CLDN11: variants seen among roughly 807,000 people sequenced by gnomAD.
CLDN11 encodes the protein claudin-11.
CLDN11 carries 1 observed loss-of-function variant against 18.0 expected under a neutral mutation model. That is an observed-to-expected ratio of 0.06 (90% CI 0.02 to 0.26). The LOEUF is 0.26. Ranked by LOEUF, CLDN11 falls within the 10% of genes least tolerant of loss-of-function variation. CLDN11 has a pLI of 1.00. For synonymous variants in CLDN11, 116 were observed against 121.5 expected, an observed-to-expected ratio of 0.96 and a Z score of 0.30; for missense variants, 172 against 276.6, an observed-to-expected ratio of 0.62 and a Z score of 2.68.
chr3:170,423,448 G>GAGTCCATCCCCCACT, intron 2 of CLDN11, 121 bp downstream of exon 2: 5 of 1,036,306 alleles, frequency 4.8e-6, no homozygotes, highest in African/African-American at 1.6e-5. Flanking sequence ...AAGCCAGTGG[G>GAGTCCATCCCCCACT]GGATGGACTC....
chr3:170,425,490 A>G (rs1167177535), intron 2 of CLDN11, among the ~76,000 whole-genome samples: 4 of 152,250 alleles, frequency 2.6e-5, no homozygotes, highest in Non-Finnish European at 4.4e-5. Context: ...AATCAGGGAT[A>G]TTGAAGGAAA....
rs943818745 is a variant in CLDN11 at position 170,420,943 on chromosome 3, T to C, written c.226+1651T>C. ...TTTGAGGATTAAATGAGATAAGAAA[T>C]GTAATCTCCTTTGAGATAGTAGATG... is the stretch of plus-strand genomic sequence containing the variant. On this transcript the variant is annotated intron_variant, in intron 1 of 2. Transcript: ENST00000064724. Among the ~76,000 whole-genome samples, 9 of 152,182 alleles carry C rather than the reference T, an allele frequency of 5.9e-5. No homozygotes were observed. In the South Asian group the frequency reaches 1.2e-3, roughly 21 times the overall value.
intron 2 of CLDN11, among the ~76,000 whole-genome samples, chr3:170,427,925 C>T (rs569461859): frequency 2.0e-3 from 296 of 151,744 alleles, no homozygotes; most frequent in Non-Finnish European, 3.6e-3. Flanking sequence ...GGAAGGCAGA[C>T]GCGGGCAGAT....
intron 2 of CLDN11, among the ~76,000 whole-genome samples, chr3:170,429,351 G>A (rs1738943547): frequency 6.6e-6 from 1 of 152,106 alleles, no homozygotes; most frequent in African/African-American, 2.4e-5. Flanking sequence ...GCACTCATTT[G>A]CCTTGTTTTG....
At chr3:170,428,296 A>T (rs548470720) in intron 2 of CLDN11, among the ~76,000 whole-genome samples, 4 of 152,150 alleles carry the variant, frequency 2.6e-5, no homozygotes, top group African/African-American at 9.6e-5. Flanking sequence ...ATTTAACTTC[A>T]TGTTTATTTA....
At chr3:170,425,263 G>A (rs1738824547) in intron 2 of CLDN11, among the ~76,000 whole-genome samples, 1 of 152,182 alleles carries the variant, frequency 6.6e-6, no homozygotes, top group Non-Finnish European at 1.5e-5. Flanking sequence ...AGCCCCGGAA[G>A]GTTCTCTTGG....
At chr3:170,421,360 C>G (rs769132375) in intron 1 of CLDN11, 1 of 947,108 alleles carries the variant, frequency 1.1e-6, no homozygotes, top group East Asian at 1.2e-4. Context: ...TCTCTACAAG[C>G]CGCAGAGGCG....
intron 2 of CLDN11, among the ~76,000 whole-genome samples, chr3:170,424,914 A>AGG (rs1738809948): frequency 2.3e-5 from 2 of 88,056 alleles, no homozygotes; most frequent in South Asian, 5.6e-4. Flanking sequence ...TGAAGCCACA[A>AGG]GGGTGTGTGT....
chr3:170,432,411 C>T (rs1191955429), intron 2 of CLDN11, 113 bp from the exon 3 acceptor site: 4 of 1,522,458 alleles, frequency 2.6e-6, no homozygotes, highest in Non-Finnish European at 3.5e-6. Context: ...GTGTATGGAG[C>T]TTTTTGGAGC....
At position 170,419,320 on chromosome 3, in the gene CLDN11, C is replaced by T. The variant is rs1252010892; in HGVS notation, c.226+28C>T. On this transcript the variant is annotated intron_variant, in intron 1 of 2. Transcript: ENST00000064724. The surrounding 1 kb of genome is among the most constrained non-coding windows in gnomAD (Gnocchi z 8.6). ...AAGGACCCGAGCTTGGCGGCGGCTCCCAAATCCTTATCCTCTGGGTAGAGA... is the reference window on the plus strand; with the variant it reads ...AAGGACCCGAGCTTGGCGGCGGCTCTCAAATCCTTATCCTCTGGGTAGAGA... 6.7e-7 allele frequency: 1 copy of T among 1,499,306 alleles called. No homozygotes were observed. Among genetic ancestry groups the T allele is most frequent in the Admixed American group, 2.0e-5 (1 of 50,622 alleles). 92.9% of individuals were successfully genotyped at this position (1,499,306 alleles called of 1,614,324 possible).
chr3:170,424,350 C>G (rs958606547), intron 2 of CLDN11, among the ~76,000 whole-genome samples: 1 of 152,120 alleles, frequency 6.6e-6, no homozygotes, highest in African/African-American at 2.4e-5. Flanking sequence ...GTGGAAGAAC[C>G]CAGCAGTAAG....
At chr3:170,426,389 G>A (rs1263254891) in intron 2 of CLDN11, among the ~76,000 whole-genome samples, 2 of 152,210 alleles carry the variant, frequency 1.3e-5, no homozygotes, top group African/African-American at 2.4e-5. Flanking sequence ...GGAGCAGCAG[G>A]CTCTCAGATC....
chr3:170,432,735 T>C lies in CLDN11; in HGVS notation c.603T>C (p.His201=), dbSNP rs1739032010. ...YYTAGSSSPT[H]AKSAHV ...CTGCGGGCTCTAGCTCCCCGACTCATGCGAAGAGTGCCCACGTATAAGAGG... is the reference window on the plus strand; with the variant it reads ...CTGCGGGCTCTAGCTCCCCGACTCACGCGAAGAGTGCCCACGTATAAGAGG... Residue 201 remains histidine (H), a synonymous_variant, in exon 3 of 3, where the codon CAT becomes CAC. Coordinates refer to ENST00000064724, the MANE Select transcript of CLDN11 (RefSeq NM_005602.6). The C allele has an allele frequency of 3.1e-6, 5 of 1,614,102 alleles. No homozygotes were observed. In the Admixed American group the frequency reaches 5.0e-5, roughly 16 times the overall value.
rs1350297878 is a variant in CLDN11 at position 170,419,758 on chromosome 3, G to A, written c.226+466G>A. Among the ~76,000 whole-genome samples the A allele has an allele frequency of 6.6e-6, 1 of 152,272 alleles. No individual in the cohort carries two copies. The highest frequency in any genetic ancestry group is 1.9e-4 in the East Asian group (1 of 5,196). On this transcript the variant is annotated intron_variant, in intron 1 of 2. Coordinates refer to ENST00000064724, the MANE Select transcript of CLDN11 (RefSeq NM_005602.6). The surrounding 1 kb of genome is among the most constrained non-coding windows in gnomAD (Gnocchi z 8.6). The stretch of plus-strand genomic sequence containing the variant: ...GGAGAATCGAACCGGCTCAGGCTGA[G>A]TTTCTCGGTCCTCATGGGATGGGCG...
In CLDN11 at chr3:170,419,001, C is replaced by T. The variant is rs1560232597; in HGVS notation, c.-66C>T. 1.7e-6 allele frequency: 2 copies of T among 1,200,300 alleles called. No individual in the cohort carries two copies. Among genetic ancestry groups the T allele is most frequent in the Non-Finnish European group, 2.4e-6 (2 of 835,336 alleles). The allele number at this position is 1,200,300 out of a possible 1,614,324, so 74.4% of individuals were successfully genotyped here. A position where few individuals can be genotyped will look rare whatever the true frequency, so the allele number is the denominator to read the frequency against. On this transcript the variant is annotated 5_prime_UTR_variant, in exon 1 of 3. Transcript: ENST00000064724. The surrounding 1 kb of genome is among the most constrained non-coding windows in gnomAD (Gnocchi z 8.6). ...AGCGTGGGAGACGTACCTGGGCAGG[C>T]ACTGTCCAGCCCAGGCCCAGGCACA...
intron 2 of CLDN11, among the ~76,000 whole-genome samples, chr3:170,427,347 C>T (rs910916706): frequency 2.6e-5 from 4 of 152,156 alleles, no homozygotes; most frequent in Admixed American, 1.3e-4. Flanking sequence ...CAGGGCTGGA[C>T]GTGGTGGCTC....
intron 2 of CLDN11, among the ~76,000 whole-genome samples, chr3:170,431,694 A>G (rs1739006388): frequency 6.6e-6 from 1 of 152,206 alleles, no homozygotes; most frequent in South Asian, 2.1e-4. Flanking sequence ...TATATAAGCT[A>G]TTTCTTATTT....
Position 170,419,340 on chromosome 3 carries a change from T to C in CLDN11, c.226+48T>C. ...GGCTCCCAAATCCTTATCCTCTGGG[T>C]AGAGAGCGGGATATTAGACGGCGTC... On this transcript the variant is annotated intron_variant, in intron 1 of 2. Coordinates refer to ENST00000064724, the MANE Select transcript of CLDN11 (RefSeq NM_005602.6). The surrounding 1 kb of genome is among the most constrained non-coding windows in gnomAD (Gnocchi z 8.6). The C allele has an allele frequency of 5.0e-6, 7 of 1,392,286 alleles. No individual in the cohort carries two copies. Among genetic ancestry groups the C allele is most frequent in the Non-Finnish European group, 6.9e-6 (7 of 1,011,232 alleles). The allele number at this position is 1,392,286 out of a possible 1,614,324, so 86.2% of individuals were successfully genotyped here. A position where few individuals can be genotyped will look rare whatever the true frequency, so the allele number is the denominator to read the frequency against.
intron 2 of CLDN11, among the ~76,000 whole-genome samples, chr3:170,429,461 A>G (rs745482068): frequency 1.3e-5 from 2 of 152,228 alleles, no homozygotes; most frequent in Non-Finnish European, 2.9e-5. Context: ...TTTGGGTGTC[A>G]GTTTTGGTAT....
Sources: gnomAD v4.1 joint callset for allele counts (sites outside exome capture counted in the v4.1 genomes callset) on GRCh38, gnomAD v4.1.1 for gene constraint, Gnocchi (gnomAD v3.1) non-coding constraint, MANE v1.5 for transcripts, NCBI Gene and HGNC (gene_info 2026-07-23, HGNC 2026-07-21) for gene names.